CUL3: variants seen among roughly 807,000 people sequenced by gnomAD.
CUL3 encodes cullin 3, also known as cullin-3.
Under a neutral mutation model 89.1 loss-of-function variants are expected in CUL3, and 19 were observed. The observed-to-expected ratio is 0.21, with a 90% CI of 0.15 to 0.31. CUL3 has a LOEUF of 0.31. Among genes scored for constraint, CUL3 ranks in the 10% least tolerant of loss-of-function variants. The pLI is 1.00. For synonymous variants in CUL3, 351 were observed against 308.4 expected, an observed-to-expected ratio of 1.14 and a Z score of -1.45; for missense variants, 469 against 942.3, an observed-to-expected ratio of 0.50 and a Z score of 6.58.
At chr2:224,565,587 C>G (rs920987816) in intron 1 of CUL3, among the ~76,000 whole-genome samples, 2 of 152,188 alleles carry the variant, frequency 1.3e-5, no homozygotes, top group Non-Finnish European at 2.9e-5. Flanking sequence ...CAGTCCATGT[C>G]GTAAAAGTCA....
At chr2:224,566,838 T>C (rs1345392546) in intron 1 of CUL3, among the ~76,000 whole-genome samples, 4 of 152,348 alleles carry the variant, frequency 2.6e-5, no homozygotes, top group African/African-American at 9.6e-5. Context: ...CAATATGAGA[T>C]AAAAAAGTAT....
At position 224,579,416 on chromosome 2, in the gene CUL3, G is replaced by C. The variant is rs895637066; in HGVS notation, c.66+5528C>G. 3.3e-5 allele frequency among the ~76,000 whole-genome samples: 5 copies of C among 151,580 alleles called. No individual in the cohort carries two copies. In the South Asian group the frequency reaches 1.0e-3, roughly 32 times the overall value. On this transcript the variant is annotated intron_variant, in intron 1 of 15. Coordinates refer to ENST00000264414, the MANE Select transcript of CUL3 (RefSeq NM_003590.5). The stretch of plus-strand genomic sequence containing the variant: ...GCCAACAACTACCTTCCCTAAGAAA[G>C]AGAAACCTACTATGAAGATGAAAGC...
chr2:224,528,157 T>C (rs1693546934), intron 3 of CUL3, among the ~76,000 whole-genome samples: 1 of 152,240 alleles, frequency 6.6e-6, no homozygotes, highest in Non-Finnish European at 1.5e-5. Context: ...TCTTATATTC[T>C]AGAATTCAGA....
At chr2:224,500,618 T>C in intron 10 of CUL3, 131 bp from the exon 11 acceptor site, 1 of 800,686 alleles carries the variant, frequency 1.2e-6, no homozygotes, top group Non-Finnish European at 1.8e-6. Flanking sequence ...AAAAAGCAGA[T>C]TTTCTTTTCT....
Position 224,576,645 on chromosome 2 carries a change from G to C in CUL3, c.66+8299C>G, listed in dbSNP as rs374951042. Reference sequence around the variant, plus strand: ...CAAAACGATGTCTGGCATAAGCTTTGGACAGGGACCACAACCTAACCTAGT... The same window carrying C: ...CAAAACGATGTCTGGCATAAGCTTTCGACAGGGACCACAACCTAACCTAGT... On this transcript the variant is annotated intron_variant, in intron 1 of 15. Coordinates refer to ENST00000264414, the MANE Select transcript of CUL3 (RefSeq NM_003590.5). 5.2e-5 allele frequency among the ~76,000 whole-genome samples: 7 copies of C among 133,496 alleles called. No homozygotes were observed. The East Asian group carries it at 1.6e-3, about 30-fold the overall frequency. The allele number at this position is 133,496 out of a possible 152,430, so 87.6% of individuals were successfully genotyped here. A position where few individuals can be genotyped will look rare whatever the true frequency, so the allele number is the denominator to read the frequency against.
intron 1 of CUL3, among the ~76,000 whole-genome samples, chr2:224,584,689 C>T (rs944842396): frequency 6.7e-6 from 1 of 150,234 alleles, no homozygotes; most frequent in Non-Finnish European, 1.5e-5. Flanking sequence ...GCCCGCGGAG[C>T]GGCTGAAGGA....
intron 1 of CUL3, among the ~76,000 whole-genome samples, chr2:224,562,226 T>C (rs1181558849): frequency 6.6e-6 from 1 of 152,132 alleles, no homozygotes; most frequent in African/African-American, 2.4e-5. Flanking sequence ...TACACAAGGT[T>C]GTATGTAGTG....
intron 2 of CUL3, among the ~76,000 whole-genome samples, chr2:224,545,186 C>T (rs1694250452): frequency 6.6e-6 from 1 of 152,100 alleles, no homozygotes; most frequent in South Asian, 2.1e-4. Flanking sequence ...GTATTTTAAA[C>T]TTTCCAAGAA....
At chr2:224,550,900 T>G (rs1364314803) in intron 2 of CUL3, among the ~76,000 whole-genome samples, 1 of 152,114 alleles carries the variant, frequency 6.6e-6, no homozygotes, top group South Asian at 2.1e-4. Flanking sequence ...TATAATTAAT[T>G]ACAAAGCCTT....
At chr2:224,499,697 C>T (rs905903715) in intron 11 of CUL3, 3 of 213,046 alleles carry the variant, frequency 1.4e-5, no homozygotes, top group Non-Finnish European at 3.0e-5. Context: ...TCTACGGTCA[C>T]TGCAAAAACT....
intron 3 of CUL3, among the ~76,000 whole-genome samples, chr2:224,533,934 C>CT (rs1379703647): frequency 6.6e-6 from 1 of 152,180 alleles, no homozygotes; most frequent in East Asian, 1.9e-4. Context: ...AACTTTACAG[C>CT]TGTTTGTTCT....
At chr2:224,519,125 T>C (rs775629351) in intron 3 of CUL3, among the ~76,000 whole-genome samples, 3 of 152,230 alleles carry the variant, frequency 2.0e-5, no homozygotes, top group Non-Finnish European at 4.4e-5. Context: ...ATCAACATGA[T>C]GCCACAAGTA....
intron 3 of CUL3, among the ~76,000 whole-genome samples, chr2:224,531,574 G>A (rs958437389): frequency 2.6e-5 from 4 of 152,058 alleles, no homozygotes; most frequent in Non-Finnish European, 4.4e-5. Context: ...ACACTCCACT[G>A]GGCAAACTAC....
At chr2:224,582,426 G>T (rs1245982508) in intron 1 of CUL3, among the ~76,000 whole-genome samples, 1 of 152,192 alleles carries the variant, frequency 6.6e-6, no homozygotes, top group Non-Finnish European at 1.5e-5. Context: ...CTAACACTGA[G>T]ATATACATCT....
chr2:224,513,422 T>C (rs1001593312), intron 5 of CUL3, 102 bp downstream of exon 5: 4 of 772,160 alleles, frequency 5.2e-6, no homozygotes, highest in Non-Finnish European at 6.2e-6. Context: ...CCTCCCTTAA[T>C]GGGTCTCAGT....
chr2:224,579,752 T>C (rs1418559600), intron 1 of CUL3, among the ~76,000 whole-genome samples: 1 of 152,178 alleles, frequency 6.6e-6, no homozygotes, highest in Non-Finnish European at 1.5e-5. Flanking sequence ...GACCCCAGGG[T>C]AGAGATCTTA....
At chr2:224,523,043 A>G (rs987647428) in intron 3 of CUL3, among the ~76,000 whole-genome samples, 4 of 151,936 alleles carry the variant, frequency 2.6e-5, no homozygotes, top group Non-Finnish European at 4.4e-5. Context: ...GGTCAGAGGG[A>G]AAAAAAACAG....
At chr2:224,515,575 A>T (rs532641004) in intron 3 of CUL3, among the ~76,000 whole-genome samples, 2 of 152,208 alleles carry the variant, frequency 1.3e-5, no homozygotes, top group East Asian at 3.9e-4. Context: ...AAGAAAGCCC[A>T]TATCTTTCAC....
At chr2:224,477,269 T>G (rs1252101745) in intron 15 of CUL3, among the ~76,000 whole-genome samples, 2 of 152,210 alleles carry the variant, frequency 1.3e-5, no homozygotes, top group African/African-American at 4.8e-5. Flanking sequence ...TGGTGGAACC[T>G]AAGGATCTGT....
Sources: allele counts gnomAD v4.1 joint callset (sites outside exome capture counted in the v4.1 genomes callset), GRCh38; gene constraint gnomAD v4.1.1; transcripts MANE v1.5; gene names NCBI Gene and HGNC (gene_info 2026-07-23, HGNC 2026-07-21).